GRAP2: variants seen among roughly 807,000 people sequenced by gnomAD.
The protein encoded by GRAP2 is GRB2 related adaptor protein 2, also known as GRB2-related adapter protein 2.
A neutral mutation model predicts 43.5 loss-of-function variants in GRAP2; 31 were observed. The ratio of observed to expected loss-of-function variants is 0.71; its 90% confidence interval spans 0.54 to 0.96. The LOEUF (loss-of-function observed/expected upper bound fraction) is 0.96. GRAP2 is among the 40% of genes least tolerant of loss of function. The probability of loss-of-function intolerance (pLI) is 0.00; values close to 1 mark genes in which losing one functional copy is unlikely to be tolerated. For missense variants in GRAP2, 371 were observed against 424.4 expected, an observed-to-expected ratio of 0.87 and a Z score of 1.11; for synonymous variants, 156 against 164.8, an observed-to-expected ratio of 0.95 and a Z score of 0.41.
rs780482218 is a variant in GRAP2 at position 39,969,413 on chromosome 22, A to T, written c.693A>T (p.Glu231Asp). The T allele has an allele frequency of 1.9e-6, 3 of 1,613,644 alleles. No homozygotes were observed. Among genetic ancestry groups the T allele is most frequent in the Non-Finnish European group, 2.5e-6 (3 of 1,179,770 alleles). The change falls in exon 7 of 8, where the codon GAA (glutamate) becomes GAT (aspartate). Residue 231 changes from glutamate (E) to aspartate (D), a missense_variant and splice_region_variant. Coordinates refer to ENST00000344138, the MANE Select transcript of GRAP2 (RefSeq NM_004810.4). ...RYLQHHHFHQ[E>D]RRGGSLDIND... ...AGTCTTCTGTTGTATGTTTCTAGGA[A>T]CGCCGAGGAGGCAGCCTTGACATAA...
chr22:39,943,720 C>CTTTT (rs531038576), intron 1 of GRAP2, among the ~76,000 whole-genome samples: 3 of 134,146 alleles, frequency 2.2e-5, no homozygotes, highest in Non-Finnish European at 3.2e-5. Flanking sequence ...TCTTTTCTTT[C>CTTTT]TTTTTTTTTT....
At chr22:39,918,121 G>A (rs373232798) in intron 1 of GRAP2, among the ~76,000 whole-genome samples, 1 of 152,308 alleles carries the variant, frequency 6.6e-6, no homozygotes, top group East Asian at 1.9e-4. Flanking sequence ...GAAAAACTGA[G>A]GCCCAAAGAG....
intron 1 of GRAP2, among the ~76,000 whole-genome samples, chr22:39,941,152 A>G (rs986548597): frequency 2.0e-5 from 3 of 152,202 alleles, no homozygotes; most frequent in Admixed American, 1.3e-4. Context: ...AGGGCAGGTC[A>G]TTTGCATGTC....
rs2067147507 is a variant in GRAP2 at position 39,964,245 on chromosome 22, A to C, written c.291-1745A>C. On this transcript the variant is annotated intron_variant, in intron 4 of 7. Transcript: ENST00000344138. ...CTCAGCCCACCCTTCCTAGATGGAT[A>C]AAATCCATTTTCTCTAGCCCTGGTT... is the stretch of plus-strand genomic sequence containing the variant. 4 of 602,854 alleles carry C rather than the reference A, an allele frequency of 6.6e-6. No individual in the cohort carries two copies. The East Asian group carries it at 1.1e-4, about 17-fold the overall frequency. 37.3% of individuals were successfully genotyped at this position (602,854 alleles called of 1,614,324 possible). A position where few individuals can be genotyped will look rare whatever the true frequency, so the allele number is the denominator to read the frequency against.
At position 39,901,266 on chromosome 22, in the gene GRAP2, A is replaced by G; in HGVS notation, c.-79A>G. 1 of 1,281,566 alleles carries G rather than the reference A, an allele frequency of 7.8e-7. No homozygotes were observed. The highest frequency in any genetic ancestry group is 1.0e-6 in the Non-Finnish European group (1 of 981,720). The allele number at this position is 1,281,566 out of a possible 1,614,324, so 79.4% of individuals were successfully genotyped here. On this transcript the variant is annotated 5_prime_UTR_variant, in exon 1 of 8. Transcript: ENST00000344138. ...GCTTGAATTTGTCTCCCTTCTTGCC[A>G]GAAAGGATTCTAATAACTCGGTGTC...
chr22:39,955,765 G>A, intron 2 of GRAP2, 54 bp from the exon 3 acceptor site: 1 of 893,248 alleles, frequency 1.1e-6, no homozygotes, highest in Non-Finnish European at 1.9e-6. Flanking sequence ...CCTTTCTCTT[G>A]TTTTTTTGGT....
At chr22:39,924,355 A>G (rs1325487845) in intron 1 of GRAP2, among the ~76,000 whole-genome samples, 2 of 152,186 alleles carry the variant, frequency 1.3e-5, no homozygotes, top group Non-Finnish European at 2.9e-5. Context: ...CACTGTGACA[A>G]TCATCACCAC....
intron 1 of GRAP2, among the ~76,000 whole-genome samples, chr22:39,945,767 C>T (rs901792095): frequency 1.3e-5 from 2 of 152,168 alleles, no homozygotes; most frequent in Admixed American, 6.5e-5. Flanking sequence ...GGTCAGGCTA[C>T]CTTTGCTGGG....
chr22:39,964,966 A>G (rs897262686), intron 4 of GRAP2, among the ~76,000 whole-genome samples: 1 of 152,238 alleles, frequency 6.6e-6, no homozygotes, highest in African/African-American at 2.4e-5. Flanking sequence ...TCAGAGACTC[A>G]GGGTTCTGGC....
intron 1 of GRAP2, among the ~76,000 whole-genome samples, chr22:39,928,160 A>G (rs1387617522): frequency 6.6e-6 from 1 of 152,180 alleles, no homozygotes; most frequent in African/African-American, 2.4e-5. Context: ...CCAAATCTTA[A>G]TGGATGAAAC....
chr22:39,924,979 G>C (rs2066684970), intron 1 of GRAP2, among the ~76,000 whole-genome samples: 1 of 152,226 alleles, frequency 6.6e-6, no homozygotes, highest in East Asian at 1.9e-4. Flanking sequence ...AGCTGGACCT[G>C]AAGAGTCAGG....
intron 1 of GRAP2, among the ~76,000 whole-genome samples, chr22:39,932,602 C>T: frequency 6.7e-6 from 1 of 149,298 alleles, no homozygotes; most frequent in Admixed American, 6.7e-5. Flanking sequence ...CCTGTAGTCC[C>T]AGCTATTTGG....
intron 1 of GRAP2, among the ~76,000 whole-genome samples, chr22:39,905,884 A>G (rs1344044014): frequency 6.6e-6 from 1 of 152,164 alleles, no homozygotes; most frequent in Non-Finnish European, 1.5e-5. Flanking sequence ...CCTCACACAC[A>G]CTCAGACTTG....
At chr22:39,961,672 G>A (rs2067121328) in intron 4 of GRAP2, among the ~76,000 whole-genome samples, 1 of 152,190 alleles carries the variant, frequency 6.6e-6, no homozygotes, top group Admixed American at 6.5e-5. Flanking sequence ...AGGATCGCAA[G>A]TCACGTATCA....
chr22:39,928,133 C>G (rs565971191), intron 1 of GRAP2, among the ~76,000 whole-genome samples: 1 of 152,334 alleles, frequency 6.6e-6, no homozygotes, highest in Admixed American at 6.5e-5. Flanking sequence ...CAGAAATACA[C>G]TTATTTCCTT....
chr22:39,903,304 C>T (rs2066504151), intron 1 of GRAP2, among the ~76,000 whole-genome samples: 1 of 152,024 alleles, frequency 6.6e-6, no homozygotes, highest in African/African-American at 2.4e-5. Context: ...CGCTAGGTCC[C>T]CATTTTGTCC....
At position 39,971,292 on chromosome 22, in the gene GRAP2, CT is replaced by C; in HGVS notation, c.*210del. On this transcript the variant is annotated 3_prime_UTR_variant, in exon 8 of 8. Transcript: ENST00000344138. Reference sequence around the variant, plus strand: ...ACTCAGGTGGAGAATAATATTGACACTTGCTTTTCTGCCCCCCTCAGGGGTG... The same window carrying C: ...ACTCAGGTGGAGAATAATATTGACACTGCTTTTCTGCCCCCCTCAGGGGTG... 1.9e-6 allele frequency: 1 copy of C among 531,932 alleles called. No individual in the cohort carries two copies. Among genetic ancestry groups the C allele is most frequent in the East Asian group, 3.4e-5 (1 of 29,384 alleles). 33.0% of individuals were successfully genotyped at this position (531,932 alleles called of 1,614,324 possible). A position where few individuals can be genotyped will look rare whatever the true frequency, so the allele number is the denominator to read the frequency against.
intron 1 of GRAP2, among the ~76,000 whole-genome samples, chr22:39,924,732 C>G (rs1331562011): frequency 6.6e-6 from 1 of 152,046 alleles, no homozygotes; most frequent in African/African-American, 2.4e-5. Context: ...ATGTAGGATA[C>G]CCATTCATCA....
intron 4 of GRAP2, among the ~76,000 whole-genome samples, chr22:39,961,560 G>A (rs1353324262): frequency 6.6e-6 from 1 of 152,174 alleles, no homozygotes; most frequent in Non-Finnish European, 1.5e-5. Flanking sequence ...TCTCACTAAG[G>A]TGCAGCAACC....
Sources: gnomAD v4.1 joint callset for allele counts (sites outside exome capture counted in the v4.1 genomes callset) on GRCh38, gnomAD v4.1.1 for gene constraint, MANE v1.5 for transcripts, NCBI Gene and HGNC (gene_info 2026-07-23, HGNC 2026-07-21) for gene names.